The following ESRRB variants were observed in gnomAD, a reference collection of about 807,000 sequenced individuals.
ESRRB encodes the protein estrogen related receptor beta.
ESRRB carries 16 observed loss-of-function variants against 46.0 expected under a neutral mutation model. The ratio of observed to expected loss-of-function variants is 0.35; its 90% CI spans 0.24 to 0.53. The LOEUF is 0.53. Ranked by LOEUF, ESRRB falls within the 20% of genes least tolerant of loss-of-function variation. ESRRB has a pLI of 0.93. For missense variants in ESRRB, 488 were observed against 607.4 expected (o/e 0.80, Z 2.07); for synonymous variants, 246 against 259.6 (o/e 0.95, Z 0.50).
chr14:76,312,607 G>C (rs567195950), intron 1 of ESRRB, among the ~76,000 whole-genome samples: 1 of 151,086 alleles, frequency 6.6e-6, no homozygotes, highest in African/African-American at 2.4e-5. Flanking sequence ...ACTCCAGAGG[G>C]GGACAAACGC....
chr14:76,430,764 T>A lies in ESRRB; in HGVS notation c.51-8577T>A, dbSNP rs184335953. Among the ~76,000 whole-genome samples the A allele has an allele frequency of 3.9e-5, 6 of 152,340 alleles. No individual in the cohort carries two copies. The East Asian group carries it at 1.2e-3, about 29-fold the overall frequency. On this transcript the variant is annotated intron_variant, in intron 1 of 6. Transcript: ENST00000644823. ...CACGTCTGCTACCAGCATGCAGGCT[T>A]GTAGCCATTAAGTGGCCCAGCTGCT...
At chr14:76,462,501 C>A in intron 2 of ESRRB, 44 bp from the exon 3 acceptor site, 1 of 1,519,094 alleles carries the variant, frequency 6.6e-7, no homozygotes, top group South Asian at 1.1e-5. Flanking sequence ...GGTGGGGGCC[C>A]TGGGCGGCCA....
intron 5 of ESRRB, among the ~76,000 whole-genome samples, chr14:76,490,407 G>A (rs911450085): frequency 1.3e-5 from 2 of 152,148 alleles, no homozygotes; most frequent in Non-Finnish European, 2.9e-5. Flanking sequence ...TTGTTCTGCA[G>A]TGAGAACTTT....
At position 76,413,330 on chromosome 14, in the gene ESRRB, C is replaced by A. The variant is rs989059993; in HGVS notation, c.51-26011C>A. 2.0e-5 allele frequency among the ~76,000 whole-genome samples: 3 copies of A among 152,216 alleles called. No individual in the cohort carries two copies. The South Asian group carries it at 6.2e-4, about 31-fold the overall frequency. On this transcript the variant is annotated intron_variant, in intron 1 of 6. Coordinates refer to ENST00000644823, the MANE Select transcript of ESRRB (RefSeq NM_001379180.1). The stretch of plus-strand genomic sequence containing the variant: ...CCCCACCTGGCTTCTTCCTGTGCCC[C>A]GGCCCCGGCCACACACCTGTGTCCC...
chr14:76,454,839 A>G (rs758365220), intron 2 of ESRRB, among the ~76,000 whole-genome samples: 5 of 152,234 alleles, frequency 3.3e-5, no homozygotes, highest in Admixed American at 6.5e-5. Flanking sequence ...AATAAGGTAT[A>G]CAAATAGTTT....
At chr14:76,323,412 C>CA (rs1233910592) in intron 1 of ESRRB, among the ~76,000 whole-genome samples, 1 of 151,522 alleles carries the variant, frequency 6.6e-6, no homozygotes, top group Non-Finnish European at 1.5e-5. Context: ...TGGGCTCAAG[C>CA]AATTCTCCTG....
chr14:76,313,913 C>T (rs1017720876), intron 1 of ESRRB, among the ~76,000 whole-genome samples: 28 of 152,140 alleles, frequency 1.8e-4, no homozygotes, highest in African/African-American at 6.3e-4. Flanking sequence ...CAATCCTCAG[C>T]GGGTTAAGAG....
At chr14:76,357,528 T>C (rs1884396777) in intron 1 of ESRRB, among the ~76,000 whole-genome samples, 1 of 152,206 alleles carries the variant, frequency 6.6e-6, no homozygotes, top group East Asian at 1.9e-4. Context: ...TTTATTTATT[T>C]ATAGAGATGG....
chr14:76,341,903 G>A (rs1448704059), intron 1 of ESRRB, among the ~76,000 whole-genome samples: 2 of 152,236 alleles, frequency 1.3e-5, no homozygotes, highest in African/African-American at 2.4e-5. Context: ...GGCTGGCAGC[G>A]TAAAACCTGC....
intron 1 of ESRRB, among the ~76,000 whole-genome samples, chr14:76,334,106 A>C (rs1184590164): frequency 6.6e-6 from 1 of 152,206 alleles, no homozygotes; most frequent in Non-Finnish European, 1.5e-5. Flanking sequence ...AATGTTAGCT[A>C]TTAATAAGAA....
chr14:76,359,597 C>A (rs1884439384), intron 1 of ESRRB, among the ~76,000 whole-genome samples: 1 of 152,170 alleles, frequency 6.6e-6, no homozygotes, highest in Non-Finnish European at 1.5e-5. Flanking sequence ...AAGCCCAGGT[C>A]CAGAGCCAGT....
At chr14:76,469,427 C>T (rs1303191319) in intron 3 of ESRRB, among the ~76,000 whole-genome samples, 2 of 152,332 alleles carry the variant, frequency 1.3e-5, no homozygotes, top group African/African-American at 4.8e-5. Flanking sequence ...ATAGTATCTT[C>T]TCTGCTTCCA....
intron 1 of ESRRB, among the ~76,000 whole-genome samples, chr14:76,434,950 G>T (rs908491289): frequency 5.9e-5 from 9 of 152,132 alleles, no homozygotes; most frequent in Non-Finnish European, 1.3e-4. Flanking sequence ...AAGTGAATGG[G>T]ACAGGCTCTG....
intron 2 of ESRRB, among the ~76,000 whole-genome samples, chr14:76,445,175 A>G (rs1185371904): frequency 6.7e-6 from 1 of 150,220 alleles, no homozygotes; most frequent in African/African-American, 2.5e-5. Flanking sequence ...TTTCTTTAAA[A>G]AAAAAAAAAA....
intron 1 of ESRRB, among the ~76,000 whole-genome samples, chr14:76,334,309 A>C (rs1884099764): frequency 6.6e-6 from 1 of 152,176 alleles, no homozygotes; most frequent in African/African-American, 2.4e-5. Flanking sequence ...GAGCTCGAGA[A>C]TATACTCTGG....
chr14:76,356,544 C>G (rs1359580742), intron 1 of ESRRB, among the ~76,000 whole-genome samples: 1 of 152,220 alleles, frequency 6.6e-6, no homozygotes, highest in African/African-American at 2.4e-5. Flanking sequence ...CTGATTCCTT[C>G]TAGCCCCAGC....
chr14:76,468,791 G>A (rs1889236735), intron 3 of ESRRB, among the ~76,000 whole-genome samples: 1 of 152,078 alleles, frequency 6.6e-6, no homozygotes, highest in Admixed American at 6.5e-5. Flanking sequence ...TTGTTGATTG[G>A]AGATAGATAT....
At chr14:76,487,600 A>G (rs1448902881) in intron 5 of ESRRB, among the ~76,000 whole-genome samples, 4 of 151,646 alleles carry the variant, frequency 2.6e-5, no homozygotes, top group Admixed American at 6.6e-5. Flanking sequence ...TTTCTAGGAT[A>G]AATTTCTTTT....
At chr14:76,411,733 G>T (rs1030457664) in intron 1 of ESRRB, among the ~76,000 whole-genome samples, 1 of 152,146 alleles carries the variant, frequency 6.6e-6, no homozygotes, top group Non-Finnish European at 1.5e-5. Context: ...TAATACCATG[G>T]CATGGTACCT....
Sources: gnomAD v4.1 joint callset for allele counts (sites outside exome capture counted in the v4.1 genomes callset) on GRCh38, gnomAD v4.1.1 for gene constraint, MANE v1.5 for transcripts, NCBI Gene and HGNC (gene_info 2026-07-23, HGNC 2026-07-21) for gene names.